The following SPAG17 variants were observed in gnomAD, a reference collection of about 807,000 sequenced individuals.
The protein encoded by SPAG17 is sperm associated antigen 17.
A neutral mutation model predicts 273.6 loss-of-function variants in SPAG17; 169 were observed. The observed-to-expected ratio is 0.62, with a 90% CI of 0.55 to 0.70. The LOEUF is 0.70. Among genes scored for constraint, SPAG17 ranks in the 30% least tolerant of loss-of-function variants. SPAG17 has a pLI of 0.00. For missense variants in SPAG17, 2,557 were observed against 2,627.8 expected (o/e 0.97, Z 0.59); for synonymous variants, 825 against 873.2 (o/e 0.94, Z 0.97).
chr1:118,128,281 A>G (rs542974459), intron 3 of SPAG17, among the ~76,000 whole-genome samples: 235 of 152,284 alleles, frequency 1.5e-3, no homozygotes, highest in African/African-American at 5.2e-3. Context: ...CAAATTTATT[A>G]GTTCTAAAAG....
At chr1:118,181,657 A>T (rs981026480) in intron 1 of SPAG17, among the ~76,000 whole-genome samples, 1 of 152,180 alleles carries the variant, frequency 6.6e-6, no homozygotes, top group Non-Finnish European at 1.5e-5. Context: ...ATTATTAAAA[A>T]ATCAAAAACA....
chr1:118,073,370 A>G (rs1034451839), intron 17 of SPAG17, among the ~76,000 whole-genome samples: 1 of 152,212 alleles, frequency 6.6e-6, no homozygotes, highest in Non-Finnish European at 1.5e-5. Context: ...TGAGGATTAA[A>G]TGAGCTAATA....
chr1:118,063,878 C>T (rs535595417), intron 18 of SPAG17, among the ~76,000 whole-genome samples: 11 of 152,200 alleles, frequency 7.2e-5, no homozygotes, highest in African/African-American at 1.4e-4. Flanking sequence ...TGAATTAAAA[C>T]GAATTTACAA....
At chr1:118,136,409 CT>C (rs1262646872) in intron 3 of SPAG17, among the ~76,000 whole-genome samples, 1 of 152,174 alleles carries the variant, frequency 6.6e-6, no homozygotes, top group South Asian at 2.1e-4. Flanking sequence ...CAGGATCCAG[CT>C]TTTATCTCTG....
intron 35 of SPAG17, 109 bp from the exon 36 acceptor site, chr1:117,992,757 G>A: frequency 1.0e-6 from 1 of 956,488 alleles, no homozygotes; most frequent in Non-Finnish European, 1.4e-6. Context: ...AACTTTTTAG[G>A]GACACAGTGG....
intron 18 of SPAG17, among the ~76,000 whole-genome samples, chr1:118,062,840 A>G (rs935984817): frequency 1.3e-5 from 2 of 152,228 alleles, no homozygotes; most frequent in Non-Finnish European, 2.9e-5. Flanking sequence ...AACTGACTAC[A>G]TATTAAACAA....
rs535845189 is a variant in SPAG17, at chr1:117,971,842, C to T, written c.6326+21G>A. ...GGTAGGGAAAGGTAACCTGAGCAGA[C>T]CTTTGGTCCCTTGGCCTCACCTGCA... is the stretch of plus-strand genomic sequence containing the variant. On this transcript the variant is annotated intron_variant, in intron 45 of 48. Coordinates refer to ENST00000336338, the MANE Select transcript of SPAG17 (RefSeq NM_206996.4). 55 of 1,604,942 alleles carry T rather than the reference C, an allele frequency of 3.4e-5. 1 individual carries two copies. The East Asian group carries it at 7.6e-4, about 22-fold the overall frequency.
At chr1:118,036,708 G>A (rs1464479267) in intron 24 of SPAG17, 62 bp downstream of exon 24, 4 of 1,051,506 alleles carry the variant, frequency 3.8e-6, no homozygotes, top group Non-Finnish European at 4.3e-6. Flanking sequence ...GACTGAGAAT[G>A]GGCAGTGGCA....
intron 42 of SPAG17, among the ~76,000 whole-genome samples, chr1:117,982,241 A>T (rs1178884660): frequency 1.9e-4 from 25 of 132,736 alleles, no homozygotes; most frequent in African/African-American, 3.6e-4. Flanking sequence ...CTATCTGCTT[A>T]TTTTTTTTTT....
chr1:118,091,980 G>A lies in SPAG17; in HGVS notation c.1196C>T (p.Ala399Val), dbSNP rs770818566. The A allele has an allele frequency of 6.2e-7, 1 of 1,613,608 alleles. No homozygotes were observed. Among genetic ancestry groups the A allele is most frequent in the Non-Finnish European group, 8.5e-7 (1 of 1,179,604 alleles). Reference sequence around the variant, plus strand: ...ATACTGTGCTTTCTTCTTTCCAGGAGCTGGTACAGCAGGTTGTGGAGCCTA... The same window carrying A: ...ATACTGTGCTTTCTTCTTTCCAGGAACTGGTACAGCAGGTTGTGGAGCCTA... ...TSEAPQPAVP[A>V]PGKKKAQYEE... Residue 399 changes from alanine to valine, a missense_variant, in exon 9 of 49, where the codon GCT (alanine) becomes GTT (valine). Transcript: ENST00000336338.
chr1:117,992,376 A>G, intron 36 of SPAG17, 90 bp downstream of exon 36: 1 of 1,272,474 alleles, frequency 7.9e-7, no homozygotes, highest in South Asian at 1.6e-5. Context: ...ATATTGGTAG[A>G]ATTACATAAT....
At chr1:118,175,909 G>T (rs1009931148) in intron 1 of SPAG17, among the ~76,000 whole-genome samples, 1 of 152,048 alleles carries the variant, frequency 6.6e-6, no homozygotes, top group Admixed American at 6.6e-5. Flanking sequence ...AACAATAATA[G>T]CTATAGCAAC....
At chr1:118,126,128 ATGT>A (rs1261920131) in intron 3 of SPAG17, among the ~76,000 whole-genome samples, 1 of 141,596 alleles carries the variant, frequency 7.1e-6, no homozygotes, top group African/African-American at 2.6e-5. Flanking sequence ...CTGATTAGTG[ATGT>A]TGAACATTTT....
At chr1:118,092,959 C>T (rs1655480697) in intron 8 of SPAG17, among the ~76,000 whole-genome samples, 197 bp downstream of exon 8, 1 of 152,194 alleles carries the variant, frequency 6.6e-6, no homozygotes, top group African/African-American at 2.4e-5. Flanking sequence ...AAGAAGGTTC[C>T]ATCCTTGCCT....
chr1:118,097,628 C>CA, intron 7 of SPAG17, 42 bp downstream of exon 7: 1 of 1,458,376 alleles, frequency 6.9e-7, no homozygotes, highest in Non-Finnish European at 9.2e-7. Context: ...ACCACTGTGT[C>CA]ACATGTTAAA....
intron 4 of SPAG17, among the ~76,000 whole-genome samples, chr1:118,109,662 G>A (rs928676869): frequency 6.6e-6 from 1 of 151,732 alleles, no homozygotes; most frequent in Non-Finnish European, 1.5e-5. Flanking sequence ...GTATTGTTGA[G>A]GATATAGATA....
At chr1:117,975,242 T>TC (rs1340400588) in intron 43 of SPAG17, among the ~76,000 whole-genome samples, 2 of 152,106 alleles carry the variant, frequency 1.3e-5, no homozygotes, top group Non-Finnish European at 2.9e-5. Context: ...AAACAGGCAT[T>TC]CAGACACAAA....
chr1:118,009,641 T>C (rs1035752422), intron 30 of SPAG17, among the ~76,000 whole-genome samples: 3 of 152,142 alleles, frequency 2.0e-5, no homozygotes, highest in Non-Finnish European at 4.4e-5. Context: ...AAAGCTAGTA[T>C]CTAGGACAGA....
chr1:118,020,529 ATATC>A (rs1175585019), intron 28 of SPAG17, among the ~76,000 whole-genome samples: 1 of 152,166 alleles, frequency 6.6e-6, no homozygotes, highest in East Asian at 1.9e-4. Context: ...AAATGTATGA[ATATC>A]TATCATCATA....
Sources: allele counts gnomAD v4.1 joint callset (sites outside exome capture counted in the v4.1 genomes callset), GRCh38; gene constraint gnomAD v4.1.1; transcripts MANE v1.5; gene names NCBI Gene and HGNC (gene_info 2026-07-23, HGNC 2026-07-21).